Variants in UPRT observed in about 807,000 individuals in gnomAD.
UPRT encodes RP11-311P8.3.
UPRT carries 5 observed loss-of-function variants against 22.6 expected under a neutral mutation model. That is an observed-to-expected ratio of 0.22 (90% CI 0.12 to 0.47). UPRT has a LOEUF of 0.47. Ranked by LOEUF, UPRT falls within the 20% of genes least tolerant of loss-of-function variation. The pLI is 0.99. For missense variants in UPRT, 181 were observed against 239.9 expected, an observed-to-expected ratio of 0.75 and a Z score of 1.62; for synonymous variants, 77 against 87.7, an observed-to-expected ratio of 0.88 and a Z score of 0.68.
intron 4 of UPRT, among the ~76,000 whole-genome samples, chrX:75,237,690 TCG>T (rs779160552): frequency 1.9e-5 from 2 of 106,384 alleles, no homozygotes; most frequent in East Asian, 6.1e-4. Context: ...CAGTAAACTA[TCG>T]CAAGAACAAA....
At chrX:75,184,075 G>A (rs944444514) in intron 4 of UPRT, among the ~76,000 whole-genome samples, 2 of 111,946 alleles carry the variant, frequency 1.8e-5, no homozygotes, top group Non-Finnish European at 3.8e-5. Flanking sequence ...TGCTTTTGGT[G>A]TTTTAGACCT....
chrX:75,174,583 G>A (rs12008007), intron 4 of UPRT, among the ~76,000 whole-genome samples: 3,217 of 111,151 alleles, frequency 0.029, 117 homozygotes, highest in African/African-American at 0.1. Flanking sequence ...AACCCCAGGC[G>A]GCATCTCATA....
intron 4 of UPRT, among the ~76,000 whole-genome samples, chrX:75,253,459 G>C (rs1417463971): frequency 1.8e-5 from 2 of 112,473 alleles, no homozygotes; most frequent in Non-Finnish European, 3.7e-5. Flanking sequence ...TACACTGTAA[G>C]TGGAAGTGTA....
At chrX:75,180,705 T>TTTTTTTTTTTTTTTTTTTTTTA (rs2082267465) in intron 4 of UPRT, among the ~76,000 whole-genome samples, 1 of 95,460 alleles carries the variant, frequency 1.0e-5, no homozygotes, top group Non-Finnish European at 2.1e-5. Context: ...GTTTTTTTTT[T>TTTTTTTTTTTTTTTTTTTTTTA]TTTTTTTTTT....
chrX:75,205,295 G>A (rs2082361457), intron 4 of UPRT, among the ~76,000 whole-genome samples: 1 of 105,630 alleles, frequency 9.5e-6, no homozygotes, highest in Non-Finnish European at 1.9e-5. Flanking sequence ...GCGTGAACCC[G>A]GGAAGCGGAA....
chrX:75,246,359 G>GT (rs1164713073), intron 4 of UPRT, among the ~76,000 whole-genome samples: 2 of 105,051 alleles, frequency 1.9e-5, no homozygotes, highest in Non-Finnish European at 3.9e-5. Flanking sequence ...GCAGTGTTTG[G>GT]TTTTTTGTCC....
chrX:75,250,166 C>A (rs1383929673), intron 4 of UPRT, among the ~76,000 whole-genome samples: 3 of 110,727 alleles, frequency 2.7e-5, no homozygotes, highest in African/African-American at 9.8e-5. Context: ...GAAGCAAGAG[C>A]AAACACATTC....
intron 4 of UPRT, among the ~76,000 whole-genome samples, chrX:75,171,696 T>C (rs2082228293): frequency 1.8e-5 from 2 of 110,080 alleles, no homozygotes; most frequent in Admixed American, 9.7e-5. Context: ...TGGTTTCTTC[T>C]CATTTGGGTA....
intron 4 of UPRT, among the ~76,000 whole-genome samples, chrX:75,168,592 C>T (rs1044191057): frequency 2.7e-5 from 3 of 111,201 alleles, no homozygotes; most frequent in Non-Finnish European, 3.8e-5. Context: ...TGCAGTGGCA[C>T]GATCTCGGCT....
chrX:75,232,168 A>C (rs761116902), intron 4 of UPRT, among the ~76,000 whole-genome samples: 1 of 112,202 alleles, frequency 8.9e-6, no homozygotes, highest in South Asian at 3.7e-4. Flanking sequence ...TAGTCAAAGA[A>C]AGGGGTGACA....
chrX:75,210,249 T>G (rs2147627624), intron 4 of UPRT, among the ~76,000 whole-genome samples: 1 of 111,447 alleles, frequency 9.0e-6, no homozygotes, highest in South Asian at 3.8e-4. Context: ...CAACATCTTG[T>G]TGGTAGAGGT....
intron 4 of UPRT, among the ~76,000 whole-genome samples, chrX:75,219,351 A>T (rs924142036): frequency 8.9e-6 from 1 of 112,350 alleles, no homozygotes; most frequent in African/African-American, 3.2e-5. Flanking sequence ...TGTGAATTCC[A>T]TACTGTATTA....
At chrX:75,248,728 GA>G (rs1188887369) in intron 4 of UPRT, among the ~76,000 whole-genome samples, 3 of 111,304 alleles carry the variant, frequency 2.7e-5, no homozygotes, top group Non-Finnish European at 5.6e-5. Flanking sequence ...GAAATTCCTT[GA>G]GAAGAGCAAC....
At chrX:75,216,633 G>A (rs1250859150) in intron 4 of UPRT, among the ~76,000 whole-genome samples, 1 of 112,556 alleles carries the variant, frequency 8.9e-6, no homozygotes, top group Non-Finnish European at 1.9e-5. Flanking sequence ...CATTTTTTAA[G>A]GTTTTGAGAA....
At chrX:75,231,805 TA>T (rs1240401360) in intron 4 of UPRT, among the ~76,000 whole-genome samples, 1 of 112,212 alleles carries the variant, frequency 8.9e-6, no homozygotes, top group African/African-American at 3.2e-5. Context: ...ATAAACTCCT[TA>T]AACAAATTAT....
intron 4 of UPRT, among the ~76,000 whole-genome samples, chrX:75,234,449 A>G (rs1029288112): frequency 8.9e-6 from 1 of 111,808 alleles, no homozygotes; most frequent in Non-Finnish European, 1.9e-5. Flanking sequence ...AGAGACATCT[A>G]CAGAACACTC....
intron 4 of UPRT, among the ~76,000 whole-genome samples, chrX:75,249,779 A>G (rs2082521859): frequency 9.0e-6 from 1 of 111,296 alleles, no homozygotes; most frequent in Admixed American, 9.6e-5. Flanking sequence ...ACCACACCAC[A>G]CCTATTCCAA....
intron 3 of UPRT, among the ~76,000 whole-genome samples, chrX:75,167,015 A>C (rs1184431926): frequency 8.9e-6 from 1 of 111,811 alleles, no homozygotes; most frequent in African/African-American, 3.2e-5. Context: ...TCTTATATAC[A>C]TCCCTTGGGT....
chrX:75,247,841 A>T (rs1347074054), intron 4 of UPRT, among the ~76,000 whole-genome samples: 1 of 111,593 alleles, frequency 9.0e-6, no homozygotes, highest in Non-Finnish European at 1.9e-5. Context: ...GCAGACTGAC[A>T]CCTCACAGGG....
Sources: allele counts gnomAD v4.1 joint callset (sites outside exome capture counted in the v4.1 genomes callset), GRCh38; gene constraint gnomAD v4.1.1; transcripts MANE v1.5; gene names NCBI Gene and HGNC (gene_info 2026-07-23, HGNC 2026-07-21).